KAT2A: variants seen among roughly 807,000 people sequenced by gnomAD.
The protein encoded by KAT2A is lysine acetyltransferase 2A.
KAT2A carries 42 observed loss-of-function variants against 95.2 expected under a neutral mutation model. That is an observed-to-expected ratio of 0.44 (90% CI 0.34 to 0.57). The LOEUF (loss-of-function observed/expected upper bound fraction) is 0.57, where lower values mean the gene tolerates loss of function less well. Ranked by LOEUF, KAT2A falls within the 20% of genes least tolerant of loss-of-function variation. The pLI is 0.01. For synonymous variants in KAT2A, 449 were observed against 448.2 expected, an observed-to-expected ratio of 1.00 and a Z score of -0.02; for missense variants, 784 against 1,126.3, an observed-to-expected ratio of 0.70 and a Z score of 4.35.
Position 42,120,322 on chromosome 17 carries a change from C to G in KAT2A, c.512G>C (p.Arg171Pro), listed in dbSNP as rs782593375. 3 of 1,614,178 alleles carry G rather than the reference C, an allele frequency of 1.9e-6. No individual in the cohort carries two copies. Among genetic ancestry groups the G allele is most frequent in the South Asian group, 2.2e-5 (2 of 91,078 alleles). The change falls in exon 3 of 18, where the codon CGA (arginine) becomes CCA (proline). Residue 171 changes from arginine to proline, a missense_variant. Around this residue, in one of 6 missense-constraint regions of KAT2A, gnomAD observed 208 missense variants for 339.7 expected, o/e 0.61. Transcript: ENST00000225916. ...CACATCCACCACCATCCCCAGCAGT[C>G]GGTTTATCTCATCCTCTGACACATT... is the stretch of plus-strand genomic sequence containing the variant. ...LENVSEDEIN[R>P]LLGMVVDVEN... is the part of the protein sequence containing the mutation.
intron 11 of KAT2A, among the ~76,000 whole-genome samples, chr17:42,116,435 T>C (rs4796772): frequency 0.35 from 53,073 of 152,216 alleles, 14,577 homozygotes; most frequent in African/African-American, 0.77. Context: ...ATGATTAGTT[T>C]GGCTGGGCGC....
chr17:42,119,631 G>GC lies in KAT2A; in HGVS notation c.786dup (p.Leu263AlafsTer4). On this transcript the variant is annotated frameshift_variant, in exon 5 of 18. Transcript: ENST00000225916. LOFTEE classifies it high-confidence loss of function. The surrounding 1 kb of genome is among the most constrained non-coding windows in gnomAD (Gnocchi z 5.3). ...TCAAGCTTCCAGTAGTTAAGGCAGA[G>GC]CAAGAACATCTTTGAGAGCTCGAAC... The GC allele has an allele frequency of 6.2e-7, 1 of 1,614,120 alleles. No individual in the cohort carries two copies. The highest frequency in any genetic ancestry group is 8.5e-7 in the Non-Finnish European group (1 of 1,179,966).
At chr17:42,118,251 C>A in intron 7 of KAT2A, 46 bp downstream of exon 7, 1 of 1,439,028 alleles carries the variant, frequency 6.9e-7, no homozygotes, top group Non-Finnish European at 9.8e-7. Flanking sequence ...AGGCTTAGCT[C>A]AGCCAGGCAG....
chr17:42,119,859 G>A lies in KAT2A; in HGVS notation c.700-141C>T. 1 of 976,458 alleles carries A rather than the reference G, an allele frequency of 1.0e-6. No individual in the cohort carries two copies. The highest frequency in any genetic ancestry group is 1.5e-6 in the Non-Finnish European group (1 of 654,068). 60.5% of individuals were successfully genotyped at this position (976,458 alleles called of 1,614,324 possible). A position where few individuals can be genotyped will look rare whatever the true frequency, so the allele number is the denominator to read the frequency against. ...TCTCTCGGGTGCTCTCTATAGAAAA[G>A]CTCTGCCCCCTCCCTACCACCATGC... On this transcript the variant is annotated intron_variant, in intron 4 of 17. Coordinates refer to ENST00000225916, the MANE Select transcript of KAT2A (RefSeq NM_021078.3). This position sits in a 1 kb window ranked among gnomAD's most constrained non-coding sequence, Gnocchi z 5.3.
At chr17:42,118,937 T>C in intron 6 of KAT2A, 1 of 918,006 alleles carries the variant, frequency 1.1e-6, no homozygotes, top group South Asian at 3.7e-5. Flanking sequence ...TCTGGTTTCT[T>C]GGAGAGTTGT....
At chr17:42,120,936 C>A in intron 1 of KAT2A, 30 bp downstream of exon 1, 1 of 1,555,260 alleles carries the variant, frequency 6.4e-7, no homozygotes, top group South Asian at 1.2e-5. Context: ...GCCCCAAGCC[C>A]CGCCCCTTCA....
chr17:42,119,164 G>A lies in KAT2A; in HGVS notation c.1073+81C>T. On this transcript the variant is annotated intron_variant, in intron 6 of 17. Coordinates refer to ENST00000225916, the MANE Select transcript of KAT2A (RefSeq NM_021078.3). The surrounding 1 kb of genome is among the most constrained non-coding windows in gnomAD (Gnocchi z 5.3). ...TGGAGGGAGAGGAGGGACCAATCCA[G>A]GAAGCCTTCCTGGAAAAAAGGGGAC... The A allele has an allele frequency of 6.6e-7, 1 of 1,525,774 alleles. No individual in the cohort carries two copies. Among genetic ancestry groups the A allele is most frequent in the South Asian group, 1.3e-5 (1 of 77,142 alleles). The allele number at this position is 1,525,774 out of a possible 1,614,324, so 94.5% of individuals were successfully genotyped here.
intron 2 of KAT2A, 83 bp from the exon 3 acceptor site, chr17:42,120,453 T>A: frequency 6.9e-7 from 1 of 1,447,034 alleles, no homozygotes; most frequent in Non-Finnish European, 9.7e-7. Flanking sequence ...CCAAGCAAGA[T>A]ACACACTCTG....
At position 42,119,235 on chromosome 17, in the gene KAT2A, G is replaced by A. The variant is rs199995303; in HGVS notation, c.1073+10C>T. 6.3e-7 allele frequency: 1 copy of A among 1,593,474 alleles called. No homozygotes were observed. Among genetic ancestry groups the A allele is most frequent in the East Asian group, 2.3e-5 (1 of 44,434 alleles). On this transcript the variant is annotated intron_variant, in intron 6 of 17. Transcript: ENST00000225916. The surrounding 1 kb of genome is among the most constrained non-coding windows in gnomAD (Gnocchi z 5.3). ...GGGGCCAAATCCTGGTAGGCCAGAA[G>A]GAGCCTTACTTGGGGAAGTGAGTGA... is the stretch of plus-strand genomic sequence containing the variant.
chr17:42,119,610 G>A lies in KAT2A; in HGVS notation c.808C>T (p.Leu270Phe). Residue 270 changes from leucine to phenylalanine, a missense_variant, in exon 5 of 18, where the codon CTT becomes TTT. Physicochemically the swap from Leu to Phe is conservative, Grantham distance 22 (BLOSUM62 0). This residue lies in a region of KAT2A where 208 missense variants were observed against 339.7 expected (regional missense o/e 0.61). Coordinates refer to ENST00000225916, the MANE Select transcript of KAT2A (RefSeq NM_021078.3). The surrounding 1 kb of genome is among the most constrained non-coding windows in gnomAD (Gnocchi z 5.3). Reference sequence around the variant, plus strand: ...TGCCGAAACTGGGCAGGTGTCTCAAGCTTCCAGTAGTTAAGGCAGAGCAAG... The same window carrying A: ...TGCCGAAACTGGGCAGGTGTCTCAAACTTCCAGTAGTTAAGGCAGAGCAAG... Reference protein sequence around the residue: ...MFLLCLNYWKLETPAQFRQRS... With the variant: ...MFLLCLNYWKFETPAQFRQRS... 1 of 1,614,026 alleles carries A rather than the reference G, an allele frequency of 6.2e-7. No homozygotes were observed. The highest frequency in any genetic ancestry group is 8.5e-7 in the Non-Finnish European group (1 of 1,179,942).
At position 42,115,936 on chromosome 17, in the gene KAT2A, A is replaced by G. The variant is rs555180660; in HGVS notation, c.1765-103T>C. ...AGCGGGTAGATTGGAAAGGAGGTAG[A>G]GAGAGCGAGAGCATCCAGGCAAAGA... On this transcript the variant is annotated intron_variant, in intron 11 of 17. Transcript: ENST00000225916. 191 of 747,684 alleles carry G rather than the reference A, an allele frequency of 2.6e-4. 1 individual carries two copies. In the African/African-American group the frequency reaches 2.8e-3, roughly 11 times the overall value. 46.3% of individuals were successfully genotyped at this position (747,684 alleles called of 1,614,324 possible).
In KAT2A at chr17:42,121,351, C is replaced by T; in HGVS notation, c.-47G>A. The T allele has an allele frequency of 7.4e-7, 1 of 1,352,710 alleles. No homozygotes were observed. The highest frequency in any genetic ancestry group is 9.4e-7 in the Non-Finnish European group (1 of 1,059,130). 83.8% of individuals were successfully genotyped at this position (1,352,710 alleles called of 1,614,324 possible). ...CGGCGCCGCGCTCCCAGCCCTAGGG[C>T]CGCATGGGCAACCAGCGCTCAGTGC... On this transcript the variant is annotated 5_prime_UTR_variant, in exon 1 of 18. Transcript: ENST00000225916.
At chr17:42,118,178 C>A (rs889275545) in intron 7 of KAT2A, 119 bp downstream of exon 7, 3 of 861,070 alleles carry the variant, frequency 3.5e-6, no homozygotes, top group East Asian at 5.0e-5. Flanking sequence ...GGGCTGAAGC[C>A]GGTGGCAGGT....
chr17:42,115,936 A>C (rs555180660), intron 11 of KAT2A, 103 bp from the exon 12 acceptor site: 2 of 747,566 alleles, frequency 2.7e-6, no homozygotes, highest in African/African-American at 3.4e-5. Flanking sequence ...AAGGAGGTAG[A>C]GAGAGCGAGA....
At chr17:42,116,698 G>C (rs1555666016) in intron 11 of KAT2A, among the ~76,000 whole-genome samples, 1 of 152,206 alleles carries the variant, frequency 6.6e-6, no homozygotes, top group Non-Finnish European at 1.5e-5. Context: ...CTGCACTGCG[G>C]CCTGGGTGAG....
chr17:42,118,035 C>G lies in KAT2A; in HGVS notation c.1181-18G>C, dbSNP rs35478347. ...GACTGAAGCTGAGGAGAGAGAGAGA[C>G]GTCAGGGATGGGGGGCTGAAGCTGA... is the stretch of plus-strand genomic sequence containing the variant. On this transcript the variant is annotated intron_variant, in intron 7 of 17. Transcript: ENST00000225916. The G allele has an allele frequency of 7.1e-7, 1 of 1,414,550 alleles. No individual in the cohort carries two copies. Among genetic ancestry groups the G allele is most frequent in the Admixed American group, 2.0e-5 (1 of 51,024 alleles). 87.6% of individuals were successfully genotyped at this position (1,414,550 alleles called of 1,614,324 possible).
rs147999016 is a variant in KAT2A at position 42,117,028 on chromosome 17, C to T, written c.1764+7G>A. 5.8e-3 allele frequency: 9,318 copies of T among 1,613,696 alleles called. 31 individuals carry two copies. The highest frequency in any genetic ancestry group is 6.9e-3 in the Non-Finnish European group (8,123 of 1,179,974). ...GACTGGGGCTGGGGCCGGGGAGCCG[C>T]GCTCACCTTGACCTGCTCATTCGAG... On this transcript the variant is annotated splice_region_variant and intron_variant, in intron 11 of 17. Transcript: ENST00000225916. The surrounding 1 kb of genome is among the most constrained non-coding windows in gnomAD (Gnocchi z 8.9).
At position 42,117,158 on chromosome 17, in the gene KAT2A, C is replaced by T. The variant is rs781954272; in HGVS notation, c.1641G>A (p.Lys547=). The T allele has an allele frequency of 2.5e-6, 4 of 1,613,970 alleles. No homozygotes were observed. The highest frequency in any genetic ancestry group is 2.2e-5 in the South Asian group (2 of 91,084). Residue 547 remains lysine, a synonymous_variant, in exon 11 of 18, where the codon AAG becomes AAA. Coordinates refer to ENST00000225916, the MANE Select transcript of KAT2A (RefSeq NM_021078.3). This position sits in a 1 kb window ranked among gnomAD's most constrained non-coding sequence, Gnocchi z 8.9. ...EYIARLVFDP[K]HKTLALIKDG... ...CCTTGATCAAGGCCAGAGTCTTGTGCTTCCTAAGAGAGAGGGGGGCATGTC... is the reference window on the plus strand; with the variant it reads ...CCTTGATCAAGGCCAGAGTCTTGTGTTTCCTAAGAGAGAGGGGGGCATGTC...
rs1470472401 is a variant in KAT2A, at chr17:42,113,406, A to G, written c.*243T>C. 2.4e-6 allele frequency: 1 copy of G among 411,234 alleles called. No homozygotes were observed. The highest frequency in any genetic ancestry group is 2.1e-5 in the African/African-American group (1 of 47,480). 25.5% of individuals were successfully genotyped at this position (411,234 alleles called of 1,614,324 possible). On this transcript the variant is annotated 3_prime_UTR_variant, in exon 18 of 18. Coordinates refer to ENST00000225916, the MANE Select transcript of KAT2A (RefSeq NM_021078.3). ...TGGGCAAGGTTCATCCCTGGCCACCAGCTACTCTAGAGGGGCTGGGCCCCA... is the reference window on the plus strand; with the variant it reads ...TGGGCAAGGTTCATCCCTGGCCACCGGCTACTCTAGAGGGGCTGGGCCCCA...
Sources: gnomAD v4.1 joint callset for allele counts (sites outside exome capture counted in the v4.1 genomes callset) on GRCh38, gnomAD v4.1.1 for gene constraint, gnomAD v4.1.1 regional missense constraint, Gnocchi (gnomAD v3.1) non-coding constraint, MANE v1.5 for transcripts, NCBI Gene and HGNC (gene_info 2026-07-23, HGNC 2026-07-21) for gene names.